VEGFA: variants seen among roughly 807,000 people sequenced by gnomAD.
VEGFA encodes the protein vascular endothelial growth factor A, also known as vascular endothelial growth factor A, long form.
Under a neutral mutation model 49.7 loss-of-function variants are expected in VEGFA, and 20 were observed. The observed-to-expected ratio is 0.40, with a 90% confidence interval of 0.28 to 0.58. The LOEUF (loss-of-function observed/expected upper bound fraction) is 0.58. Among genes scored for constraint, VEGFA ranks in the 20% least tolerant of loss-of-function variants. The pLI, the probability that VEGFA is intolerant of heterozygous loss-of-function variation, is 0.40. For missense variants in VEGFA, 505 were observed against 553.5 expected, an observed-to-expected ratio of 0.91 and a Z score of 0.88; for synonymous variants, 219 against 223.4, an observed-to-expected ratio of 0.98 and a Z score of 0.18.
chr6:43,772,039 G>A (rs2128000221), intron 1 of VEGFA: 1 of 985,388 alleles, frequency 1.0e-6, no homozygotes, highest in East Asian at 1.1e-4. Context: ...CGAATGGGGA[G>A]CCCAGAGTGG....
chr6:43,770,470 G>T lies in VEGFA; in HGVS notation c.-237G>T. ...CCCACTTGAATCGGGCCGACGGCTT[G>T]GGGAGATTGCTCTACTTCCCCAAAT... is the stretch of plus-strand genomic sequence containing the variant. On this transcript the variant is annotated 5_prime_UTR_variant, in exon 1 of 8. Transcript: ENST00000672860. 1.2e-6 allele frequency: 1 copy of T among 830,352 alleles called. No individual in the cohort carries two copies. The highest frequency in any genetic ancestry group is 1.6e-6 in the Non-Finnish European group (1 of 610,774). 51.4% of individuals were successfully genotyped at this position (830,352 alleles called of 1,614,324 possible).
chr6:43,771,008 AG>A lies in VEGFA; in HGVS notation c.304del (p.Glu102LysfsTer48). The A allele has an allele frequency of 1.3e-6, 2 of 1,539,912 alleles. No homozygotes were observed. Among genetic ancestry groups the A allele is most frequent in the Non-Finnish European group, 1.7e-6 (2 of 1,143,410 alleles). ...GAGGAGGGGGAGGAGGAAGAAGAGA[AG>A]GAAGAGGAGAGGGGGCCGCAGTGGC... is the stretch of plus-strand genomic sequence containing the variant. On this transcript the variant is annotated frameshift_variant, in exon 1 of 8. Transcript: ENST00000672860. LOFTEE classifies it high-confidence loss of function.
At chr6:43,779,544 G>A (rs926409889) in intron 5 of VEGFA, 8 of 382,830 alleles carry the variant, frequency 2.1e-5, no homozygotes, top group Middle Eastern at 1.2e-3. Flanking sequence ...CAGGGTGGGC[G>A]GCTGGCATCA....
intron 1 of VEGFA, chr6:43,774,016 G>C (rs1395973786): frequency 2.2e-6 from 1 of 459,348 alleles, no homozygotes; most frequent in Non-Finnish European, 4.0e-6. Context: ...GATAGTGAGA[G>C]CAGGGAGAGG....
chr6:43,780,675 C>T, intron 5 of VEGFA, 57 bp from the exon 6 acceptor site: 1 of 1,574,736 alleles, frequency 6.4e-7, no homozygotes, highest in Non-Finnish European at 8.7e-7. Context: ...CTTACCACTT[C>T]TTTTACTCCC....
Position 43,774,388 on chromosome 6 carries a change from C to T in VEGFA, c.654C>T (p.His218=), listed in dbSNP as rs555315943. ...CAGAAGGAGGAGGGCAGAATCATCA[C>T]GAAGGTGAGTCCCCCTGGCTGTTGG... The change falls in exon 2 of 8, where the codon CAC becomes CAT. Residue 218 remains histidine, a synonymous_variant. Transcript: ENST00000672860. 2.5e-5 allele frequency: 41 copies of T among 1,614,208 alleles called. No individual in the cohort carries two copies. The highest frequency in any genetic ancestry group is 7.7e-5 in the South Asian group (7 of 91,086).
At chr6:43,782,220 GCTGC>G in intron 7 of VEGFA, 133 bp downstream of exon 7, 1 of 1,342,886 alleles carries the variant, frequency 7.4e-7, no homozygotes, top group South Asian at 1.2e-5. Context: ...TCAGTTTCTA[GCTGC>G]CTGCCTGGTG....
chr6:43,770,453 A>C lies in VEGFA; in HGVS notation c.-254A>C. 1.6e-6 allele frequency: 1 copy of C among 615,620 alleles called. No individual in the cohort carries two copies. Among genetic ancestry groups the C allele is most frequent in the Non-Finnish European group, 2.4e-6 (1 of 420,536 alleles). 38.1% of individuals were successfully genotyped at this position (615,620 alleles called of 1,614,324 possible). On this transcript the variant is annotated 5_prime_UTR_variant, in exon 1 of 8. Transcript: ENST00000672860. ...ATTTTTGCTTGCCATTCCCCACTTG[A>C]ATCGGGCCGACGGCTTGGGGAGATT...
At position 43,777,941 on chromosome 6, in the gene VEGFA, T is replaced by G; in HGVS notation, c.855+276T>G. 1.9e-6 allele frequency: 1 copy of G among 529,898 alleles called. No homozygotes were observed. The highest frequency in any genetic ancestry group is 3.3e-5 in the East Asian group (1 of 30,714). 32.8% of individuals were successfully genotyped at this position (529,898 alleles called of 1,614,324 possible). A position where few individuals can be genotyped will look rare whatever the true frequency, so the allele number is the denominator to read the frequency against. ...GATGCCTGTGTCAGGAGCCCCTCTCTCCCTCTCTTGGAGAGAGTCCTGAGT... is the reference window on the plus strand; with the variant it reads ...GATGCCTGTGTCAGGAGCCCCTCTCGCCCTCTCTTGGAGAGAGTCCTGAGT... On this transcript the variant is annotated intron_variant, in intron 3 of 7. Transcript: ENST00000672860. The surrounding 1 kb of genome is among the most constrained non-coding windows in gnomAD (Gnocchi z 4.3).
chr6:43,784,291 G>A, intron 7 of VEGFA: 1 of 600,716 alleles, frequency 1.7e-6, no homozygotes, highest in Non-Finnish European at 3.0e-6. Context: ...TAGATTGCAA[G>A]CTCAGGAGGG....
In VEGFA at chr6:43,771,282, T is replaced by C. The variant is rs1447858449; in HGVS notation, c.576T>C (p.Leu192=). The change falls in exon 1 of 8, where the codon CTT becomes CTC. Residue 192 remains leucine (L), a synonymous_variant. Coordinates refer to ENST00000672860, the MANE Select transcript of VEGFA (RefSeq NM_003376.6). ...TGCTGTCTTGGGTGCATTGGAGCCT[T>C]GCCTTGCTGCTCTACCTCCACCATG... The C allele has an allele frequency of 1.2e-6, 2 of 1,606,774 alleles. No individual in the cohort carries two copies. The highest frequency in any genetic ancestry group is 8.5e-7 in the Non-Finnish European group (1 of 1,177,440).
At chr6:43,780,179 TC>T (rs1432329828) in intron 5 of VEGFA, 2 of 215,106 alleles carry the variant, frequency 9.3e-6, no homozygotes, top group South Asian at 1.6e-4. Flanking sequence ...GGTAGCCGCT[TC>T]CCCCACACCG....
chr6:43,784,552 C>T lies in VEGFA; in HGVS notation c.1178C>T (p.Pro393Leu), dbSNP rs768366559. The T allele has an allele frequency of 3.1e-6, 5 of 1,614,084 alleles. No individual in the cohort carries two copies. The highest frequency in any genetic ancestry group is 2.2e-5 in the East Asian group (1 of 44,890). Reference sequence around the variant, plus strand: ...TCCATTTCCCTCAGATGTGACAAGCCGAGGCGGTGAGCCGGGCAGGAGGAA... The same window carrying T: ...TCCATTTCCCTCAGATGTGACAAGCTGAGGCGGTGAGCCGGGCAGGAGGAA... Residue 393 changes from proline to leucine, a missense_variant, in exon 8 of 8, where the codon CCG becomes CTG. By Grantham distance (98) the Pro-to-Leu change is moderately conservative. Around this residue, in one of 2 missense-constraint regions of VEGFA, gnomAD observed 165 missense variants for 231.7 expected, o/e 0.71. Coordinates refer to ENST00000672860, the MANE Select transcript of VEGFA (RefSeq NM_003376.6).
chr6:43,777,446 A>T lies in VEGFA; in HGVS notation c.659-23A>T, dbSNP rs772138137. ...ATCTTTTGTGTCGCCCACCGGGCTC[A>T]TGTGTCATCGCCTCTCATGCAGTGG... On this transcript the variant is annotated intron_variant, in intron 2 of 7. Coordinates refer to ENST00000672860, the MANE Select transcript of VEGFA (RefSeq NM_003376.6). The surrounding 1 kb of genome is among the most constrained non-coding windows in gnomAD (Gnocchi z 4.3). 4.3e-6 allele frequency: 7 copies of T among 1,613,102 alleles called. No homozygotes were observed. In the African/African-American group the frequency reaches 8.0e-5, roughly 18 times the overall value.
At position 43,771,057 on chromosome 6, in the gene VEGFA, C is replaced by T. The variant is rs2127996527; in HGVS notation, c.351C>T (p.Gly117=). ...GGCGACTCGGCGCTCGGAAGCCGGG[C>T]TCATGGACGGGTGAGGCGGCGGTGT... is the stretch of plus-strand genomic sequence containing the variant. The change falls in exon 1 of 8, where the codon GGC becomes GGT. Residue 117 remains glycine (G), a synonymous_variant. Coordinates refer to ENST00000672860, the MANE Select transcript of VEGFA (RefSeq NM_003376.6). 1 of 1,516,636 alleles carries T rather than the reference C, an allele frequency of 6.6e-7. No individual in the cohort carries two copies. Among genetic ancestry groups the T allele is most frequent in the South Asian group, 1.3e-5 (1 of 79,724 alleles). 93.9% of individuals were successfully genotyped at this position (1,516,636 alleles called of 1,614,324 possible).
In VEGFA at chr6:43,771,218, G is replaced by A; in HGVS notation, c.512G>A (p.Arg171His). 1.2e-6 allele frequency: 2 copies of A among 1,604,270 alleles called. No homozygotes were observed. Among genetic ancestry groups the A allele is most frequent in the Non-Finnish European group, 1.7e-6 (2 of 1,176,802 alleles). Reference sequence around the variant, plus strand: ...CCGAGCCGGAGAGGGAGCGCGAGCCGCGCCGGCCCCGGTCGGGCCTCCGAA... The same window carrying A: ...CCGAGCCGGAGAGGGAGCGCGAGCCACGCCGGCCCCGGTCGGGCCTCCGAA... The change falls in exon 1 of 8, where the codon CGC becomes CAC. Residue 171 changes from arginine (R) to histidine (H), a missense_variant. Arg to His is a conservative substitution (Grantham distance 29). This residue lies in a region of VEGFA where 340 missense variants were observed against 321.8 expected (regional missense o/e 1.06). Coordinates refer to ENST00000672860, the MANE Select transcript of VEGFA (RefSeq NM_003376.6).
intron 7 of VEGFA, chr6:43,783,155 C>T (rs941442016): frequency 6.6e-6 from 1 of 152,230 alleles, no homozygotes; most frequent in Non-Finnish European, 1.5e-5. Flanking sequence ...CTTTTAATGC[C>T]TTAGCTTATG....
chr6:43,780,466 C>G (rs1005010526), intron 5 of VEGFA: 4 of 516,774 alleles, frequency 7.7e-6, no homozygotes, highest in Non-Finnish European at 7.0e-6. Context: ...CGGCTTCCCA[C>G]CAAAGCCTTG....
rs1431498150 is a variant in VEGFA at position 43,770,538 on chromosome 6, C to T, written c.-169C>T. ...ACCAGCAGAAAGAGGAAAGAGGTAG[C>T]AAGAGCTCCAGAGAGAAGTCGAGGA... On this transcript the variant is annotated 5_prime_UTR_variant, in exon 1 of 8. Coordinates refer to ENST00000672860, the MANE Select transcript of VEGFA (RefSeq NM_003376.6). 2.3e-6 allele frequency: 3 copies of T among 1,304,464 alleles called. No homozygotes were observed. Among genetic ancestry groups the T allele is most frequent in the Non-Finnish European group, 9.7e-7 (1 of 1,027,892 alleles). The allele number at this position is 1,304,464 out of a possible 1,614,324, so 80.8% of individuals were successfully genotyped here.
Sources: gnomAD v4.1 joint callset for allele counts on GRCh38, gnomAD v4.1.1 for gene constraint, gnomAD v4.1.1 regional missense constraint, Gnocchi (gnomAD v3.1) non-coding constraint, MANE v1.5 for transcripts, NCBI Gene and HGNC (gene_info 2026-07-23, HGNC 2026-07-21) for gene names.